ARB2A: variants seen among roughly 807,000 people sequenced by gnomAD.
ARB2A encodes the protein cotranscriptional regulator ARB2A.
At chr5:93,847,191 C>A in the ARB2A span, among the ~76,000 whole-genome samples, 2 of 152,210 alleles carry the variant, frequency 1.3e-5, no homozygotes, top group Non-Finnish European at 2.9e-5. Context: ...AATTCAGTCA[C>A]ATCTTGAGGC....
chr5:93,629,322 T>C, the ARB2A span, among the ~76,000 whole-genome samples: 2 of 151,586 alleles, frequency 1.3e-5, no homozygotes, highest in East Asian at 1.9e-4. Flanking sequence ...ATAACAGATA[T>C]AAAAATAAAG....
the ARB2A span, among the ~76,000 whole-genome samples, chr5:93,949,682 ACAAT>A: frequency 1.3e-5 from 2 of 152,126 alleles, no homozygotes; most frequent in South Asian, 2.1e-4. Flanking sequence ...TTTTAAATGT[ACAAT>A]CAATCATTGC....
the ARB2A span, among the ~76,000 whole-genome samples, chr5:93,784,912 C>A: frequency 0.015 from 2,296 of 152,244 alleles, 49 homozygotes; most frequent in African/African-American, 0.053. Flanking sequence ...CAGTAGATGG[C>A]ACATCAGTAA....
chr5:93,910,016 T>G, the ARB2A span, among the ~76,000 whole-genome samples: 2 of 151,066 alleles, frequency 1.3e-5, no homozygotes, highest in Non-Finnish European at 1.5e-5. Flanking sequence ...TTTAAATATA[T>G]TCAAACATTT....
At chr5:93,750,076 C>G in the ARB2A span, among the ~76,000 whole-genome samples, 1 of 152,134 alleles carries the variant, frequency 6.6e-6, no homozygotes, top group African/African-American at 2.4e-5. Context: ...CCCTTGGAGC[C>G]TAGATTGGTG....
chr5:93,877,322 TC>T, the ARB2A span, among the ~76,000 whole-genome samples: 1 of 152,186 alleles, frequency 6.6e-6, no homozygotes, highest in Non-Finnish European at 1.5e-5. Flanking sequence ...TAACTGACCT[TC>T]CTTGATTTAG....
the ARB2A span, among the ~76,000 whole-genome samples, chr5:93,693,880 G>A: frequency 1.3e-5 from 2 of 151,894 alleles, no homozygotes; most frequent in African/African-American, 4.8e-5. Flanking sequence ...TGTAAGGCTG[G>A]TTCAATAGAC....
the ARB2A span, among the ~76,000 whole-genome samples, chr5:94,014,438 C>G: frequency 6.6e-6 from 1 of 152,286 alleles, no homozygotes; most frequent in African/African-American, 2.4e-5. Flanking sequence ...AGAAGCCAAA[C>G]AGAGAAGACT....
chr5:94,044,162 T>C, the ARB2A span, among the ~76,000 whole-genome samples: 6 of 152,344 alleles, frequency 3.9e-5, no homozygotes, highest in Admixed American at 1.3e-4. Flanking sequence ...TGGGCATGTA[T>C]TGGAATTGGC....
chr5:94,016,585 T>C, the ARB2A span, among the ~76,000 whole-genome samples: 1 of 152,228 alleles, frequency 6.6e-6, no homozygotes, highest in Non-Finnish European at 1.5e-5. Flanking sequence ...ATATGTTACA[T>C]GGTGTAAGCC....
the ARB2A span, among the ~76,000 whole-genome samples, chr5:93,882,184 T>C: frequency 1.3e-5 from 2 of 151,456 alleles, no homozygotes; most frequent in Non-Finnish European, 3.0e-5. Flanking sequence ...GAATAAGCAG[T>C]TAAAAAAGAA....
chr5:93,887,326 C>T, the ARB2A span, among the ~76,000 whole-genome samples: 1 of 150,414 alleles, frequency 6.6e-6, no homozygotes, highest in Non-Finnish European at 1.5e-5. Context: ...CAGCTGCCTT[C>T]AAATAGAGAA....
At chr5:93,689,646 T>C in the ARB2A span, among the ~76,000 whole-genome samples, 9 of 152,176 alleles carry the variant, frequency 5.9e-5, no homozygotes, top group African/African-American at 1.9e-4. Context: ...TTCAAAATTA[T>C]TTGTCTAGAA....
the ARB2A span, among the ~76,000 whole-genome samples, chr5:94,106,618 T>A: frequency 1.3e-5 from 2 of 152,034 alleles, no homozygotes; most frequent in African/African-American, 4.8e-5. Flanking sequence ...AGCAATCCCA[T>A]TCCTGGGTAC....
chr5:93,785,173 C>A, the ARB2A span, among the ~76,000 whole-genome samples: 1 of 151,880 alleles, frequency 6.6e-6, no homozygotes, highest in African/African-American at 2.4e-5. Flanking sequence ...TTGGAGATAC[C>A]GATGAATTCA....
chr5:93,884,675 TACTC>T, the ARB2A span, among the ~76,000 whole-genome samples: 2 of 151,632 alleles, frequency 1.3e-5, no homozygotes, highest in Non-Finnish European at 3.0e-5. Context: ...AATCAAGAAA[TACTC>T]AGGAACATTC....
At chr5:93,763,235 A>G in the ARB2A span, among the ~76,000 whole-genome samples, 1 of 152,240 alleles carries the variant, frequency 6.6e-6, no homozygotes, top group Non-Finnish European at 1.5e-5. Context: ...TGCTCCAATT[A>G]AAAGACACAG....
chr5:93,668,775 CTCT>C, the ARB2A span, among the ~76,000 whole-genome samples: 4 of 152,188 alleles, frequency 2.6e-5, no homozygotes, highest in South Asian at 8.3e-4. Context: ...AAAGTCTTCT[CTCT>C]TCATCTTATC....
the ARB2A span, among the ~76,000 whole-genome samples, chr5:93,764,996 C>G: frequency 6.6e-5 from 10 of 152,258 alleles, no homozygotes; most frequent in East Asian, 9.6e-4. Context: ...ATTCAACAAC[C>G]CTTCATGCTA....
Sources: gnomAD v4.1 joint callset for allele counts (sites outside exome capture counted in the v4.1 genomes callset) on GRCh38, gnomAD v4.1.1 for gene constraint, MANE v1.5 for transcripts, NCBI Gene and HGNC (gene_info 2026-07-23, HGNC 2026-07-21) for gene names.